CCSER1: variants seen among roughly 807,000 people sequenced by gnomAD.
CCSER1 encodes serine-rich coiled-coil domain-containing protein 1.
CCSER1 carries 41 observed loss-of-function variants against 82.0 expected under a neutral mutation model. The observed-to-expected ratio is 0.50, with a 90% CI of 0.39 to 0.65. The LOEUF (loss-of-function observed/expected upper bound fraction) is 0.65. Among genes scored for constraint, CCSER1 ranks in the 30% least tolerant of loss-of-function variants. CCSER1 has a pLI of 0.00. For synonymous variants in CCSER1, 414 were observed against 383.9 expected, an observed-to-expected ratio of 1.08 and a Z score of -0.92; for missense variants, 1,119 against 1,064.2, an observed-to-expected ratio of 1.05 and a Z score of -0.72.
intron 10 of CCSER1, among the ~76,000 whole-genome samples, chr4:91,224,124 G>T (rs1032631301): frequency 1.3e-5 from 2 of 150,728 alleles, no homozygotes; most frequent in East Asian, 3.9e-4. Context: ...TAACTCCCGC[G>T]CTTAATGTGA....
At chr4:91,245,183 GT>G (rs1484439734) in intron 10 of CCSER1, among the ~76,000 whole-genome samples, 1 of 152,066 alleles carries the variant, frequency 6.6e-6, no homozygotes, top group African/African-American at 2.4e-5. Flanking sequence ...AGAGTAATTG[GT>G]TTTAAAGAGG....
chr4:91,518,167 C>T (rs1035009606), intron 10 of CCSER1, among the ~76,000 whole-genome samples: 1 of 152,136 alleles, frequency 6.6e-6, no homozygotes, highest in Non-Finnish European at 1.5e-5. Context: ...TGTTTCCTCC[C>T]CAGCTTGGTA....
intron 10 of CCSER1, among the ~76,000 whole-genome samples, chr4:91,274,834 A>C (rs1247767388): frequency 6.6e-6 from 1 of 152,126 alleles, no homozygotes; most frequent in Non-Finnish European, 1.5e-5. Context: ...GGCCTGGCGC[A>C]GTGGCTCATG....
intron 5 of CCSER1, among the ~76,000 whole-genome samples, chr4:90,482,068 A>G (rs572982510): frequency 6.6e-6 from 1 of 152,204 alleles, no homozygotes; most frequent in Non-Finnish European, 1.5e-5. Flanking sequence ...TAGTCTATTC[A>G]GAGATTCAAC....
intron 10 of CCSER1, among the ~76,000 whole-genome samples, chr4:91,176,107 A>T (rs1733314649): frequency 6.6e-6 from 1 of 152,118 alleles, no homozygotes; most frequent in East Asian, 1.9e-4. Context: ...CTGATTTTTG[A>T]CAGGTTTGTC....
At chr4:91,285,555 T>C (rs1214868685) in intron 10 of CCSER1, among the ~76,000 whole-genome samples, 1 of 151,834 alleles carries the variant, frequency 6.6e-6, no homozygotes, top group African/African-American at 2.4e-5. Context: ...GTTAAGTGAG[T>C]TAATCCTACT....
intron 9 of CCSER1, among the ~76,000 whole-genome samples, chr4:90,972,859 T>C (rs1735243636): frequency 6.6e-6 from 1 of 151,766 alleles, no homozygotes; most frequent in African/African-American, 2.4e-5. Flanking sequence ...ATTCTCCACA[T>C]TTGTAGTCAA....
chr4:90,140,319 A>G (rs1197839818), intron 1 of CCSER1, among the ~76,000 whole-genome samples: 13 of 152,294 alleles, frequency 8.5e-5, no homozygotes, highest in African/African-American at 2.9e-4. Context: ...TTGTGTAAAT[A>G]TAGCCCTAGG....
chr4:90,527,279 G>A (rs935353232), intron 5 of CCSER1, among the ~76,000 whole-genome samples: 2 of 152,144 alleles, frequency 1.3e-5, no homozygotes, highest in Admixed American at 1.3e-4. Context: ...CAAAAAATGG[G>A]CAAAGGATAT....
At chr4:91,162,062 C>T (rs1321660025) in intron 10 of CCSER1, among the ~76,000 whole-genome samples, 1 of 152,144 alleles carries the variant, frequency 6.6e-6, no homozygotes, top group Non-Finnish European at 1.5e-5. Flanking sequence ...ATGTTATTGG[C>T]TGTGGGTTTG....
At chr4:90,231,826 C>T (rs1425794271) in intron 1 of CCSER1, among the ~76,000 whole-genome samples, 34 of 150,512 alleles carry the variant, frequency 2.3e-4, no homozygotes, top group Admixed American at 1.1e-3. Flanking sequence ...TATACACCAA[C>T]AACAGACAAA....
intron 9 of CCSER1, among the ~76,000 whole-genome samples, chr4:91,053,525 T>G (rs1044334075): frequency 1.3e-5 from 2 of 152,208 alleles, no homozygotes; most frequent in African/African-American, 4.8e-5. Context: ...TTTCTATTCT[T>G]GGCTGCCACC....
intron 9 of CCSER1, among the ~76,000 whole-genome samples, chr4:90,963,254 C>T (rs2150380047): frequency 6.6e-6 from 1 of 152,170 alleles, no homozygotes; most frequent in South Asian, 2.1e-4. Flanking sequence ...TGAATAGCAT[C>T]TTGAATCTCC....
chr4:91,434,599 A>G (rs1462724900), intron 10 of CCSER1, among the ~76,000 whole-genome samples: 1 of 152,210 alleles, frequency 6.6e-6, no homozygotes, highest in Non-Finnish European at 1.5e-5. Flanking sequence ...AATTATGCAT[A>G]GTAAGAATAT....
At position 91,446,345 on chromosome 4, in the gene CCSER1, T is replaced by C. The variant is rs192422059; in HGVS notation, c.2218-152227T>C. ...AAGTAAAAGGTCATCACTTTAGACA[T>C]TTTGAACTACCAAGTTTTCTATACA... On this transcript the variant is annotated intron_variant, in intron 10 of 10. Transcript: ENST00000509176. Among the ~76,000 whole-genome samples, 481 of 152,166 alleles carry C rather than the reference T, an allele frequency of 3.2e-3. 5 individuals carry two copies. Among genetic ancestry groups the C allele is most frequent in the Admixed American group, 3.9e-3 (59 of 15,262 alleles).
At chr4:90,283,376 C>G (rs1283782483) in intron 1 of CCSER1, among the ~76,000 whole-genome samples, 1 of 151,716 alleles carries the variant, frequency 6.6e-6, no homozygotes. Flanking sequence ...GGATACCTAA[C>G]AGTTGCACAT....
chr4:90,253,516 C>G (rs1379537765), intron 1 of CCSER1, among the ~76,000 whole-genome samples: 1 of 152,000 alleles, frequency 6.6e-6, no homozygotes, highest in Non-Finnish European at 1.5e-5. Context: ...GATCCCACTG[C>G]CTTATATTCT....
At chr4:90,301,427 A>G (rs1451408517) in intron 1 of CCSER1, among the ~76,000 whole-genome samples, 2 of 152,166 alleles carry the variant, frequency 1.3e-5, no homozygotes, top group East Asian at 3.8e-4. Context: ...AAAGAACAAA[A>G]GTACTGTTTC....
intron 10 of CCSER1, chr4:91,325,189 G>A (rs371255259): frequency 3.2e-4 from 144 of 456,152 alleles, no homozygotes; most frequent in African/African-American, 2.7e-3. Flanking sequence ...CACCAGCATA[G>A]TAGGTGGCTC....
Sources: allele counts gnomAD v4.1 joint callset (sites outside exome capture counted in the v4.1 genomes callset), GRCh38; gene constraint gnomAD v4.1.1; transcripts MANE v1.5; gene names NCBI Gene and HGNC (gene_info 2026-07-23, HGNC 2026-07-21).